The following GABRG1 variants were observed in gnomAD, a reference collection of about 807,000 sequenced individuals.
GABRG1 encodes gamma-aminobutyric acid type A receptor subunit gamma1, also known as gamma-aminobutyric acid receptor subunit gamma-1.
Under a neutral mutation model 49.8 loss-of-function variants are expected in GABRG1, and 49 were observed. That is an observed-to-expected ratio of 0.98 (90% CI 0.78 to 1.25). GABRG1 has a LOEUF of 1.25. GABRG1 is among the 50% of genes most tolerant of loss of function. The pLI, the probability that GABRG1 is intolerant of heterozygous loss-of-function variation, is 0.00. For synonymous variants in GABRG1, 232 were observed against 185.1 expected, an observed-to-expected ratio of 1.25 and a Z score of -2.06; for missense variants, 552 against 552.3, an observed-to-expected ratio of 1.00 and a Z score of 0.01.
chr4:46,123,355 C>G (rs541851228), intron 1 of GABRG1, among the ~76,000 whole-genome samples: 41 of 151,996 alleles, frequency 2.7e-4, no homozygotes, highest in South Asian at 1.0e-3. Flanking sequence ...TTACCAAAAA[C>G]GAGGAAAGGG....
At chr4:46,115,568 T>C (rs1027739027) in intron 1 of GABRG1, among the ~76,000 whole-genome samples, 2 of 150,750 alleles carry the variant, frequency 1.3e-5, no homozygotes, top group Non-Finnish European at 3.0e-5. Context: ...ATTTTCTGTC[T>C]ACAGACCAGA....
chr4:46,042,873 T>G (rs13133249), intron 8 of GABRG1, among the ~76,000 whole-genome samples: 6,291 of 152,056 alleles, frequency 0.041, 211 homozygotes, highest in Admixed American at 0.076. Flanking sequence ...AGTAAGTTCA[T>G]GATTAAACTT....
intron 3 of GABRG1, among the ~76,000 whole-genome samples, chr4:46,081,992 C>T (rs1719591957): frequency 6.6e-6 from 1 of 151,816 alleles, no homozygotes; most frequent in Non-Finnish European, 1.5e-5. Flanking sequence ...AACCACCAGT[C>T]TGTGCTACTT....
Position 46,040,984 on chromosome 4 carries a change from G to A in GABRG1, c.*4C>T, listed in dbSNP as rs199581520. The A allele has an allele frequency of 1.9e-6, 3 of 1,604,478 alleles. No homozygotes were observed. The highest frequency in any genetic ancestry group is 2.2e-5 in the East Asian group (1 of 44,724). ...TCTTTTGATTTTTGCTTATGAAGTA[G>A]ATTTTATAAGTAAAGATAGCCAACC... is the stretch of plus-strand genomic sequence containing the variant. On this transcript the variant is annotated 3_prime_UTR_variant, in exon 9 of 9. Transcript: ENST00000295452.
chr4:46,097,025 T>C (rs1483195569), intron 2 of GABRG1, among the ~76,000 whole-genome samples, 176 bp downstream of exon 2: 1 of 151,674 alleles, frequency 6.6e-6, no homozygotes, highest in Non-Finnish European at 1.5e-5. Context: ...TTTTTTCTTA[T>C]TTCAGACTGT....
At chr4:46,122,909 C>T (rs563826829) in intron 1 of GABRG1, among the ~76,000 whole-genome samples, 4 of 151,876 alleles carry the variant, frequency 2.6e-5, no homozygotes, top group Admixed American at 2.0e-4. Flanking sequence ...TCTTAATCAA[C>T]GTATTTTAGC....
intron 5 of GABRG1, among the ~76,000 whole-genome samples, chr4:46,059,071 C>T (rs545740028): frequency 5.3e-5 from 8 of 151,984 alleles, no homozygotes; most frequent in Non-Finnish European, 8.8e-5. Context: ...CTTCTTTTTC[C>T]TCATGCTACC....
chr4:46,094,232 T>A (rs1720097994), intron 2 of GABRG1, among the ~76,000 whole-genome samples: 1 of 151,994 alleles, frequency 6.6e-6, no homozygotes, highest in Non-Finnish European at 1.5e-5. Context: ...GTTCTCAGTA[T>A]AACTTAAAGA....
chr4:46,091,485 G>A (rs1196305508), intron 2 of GABRG1, among the ~76,000 whole-genome samples: 1 of 151,844 alleles, frequency 6.6e-6, no homozygotes, highest in Non-Finnish European at 1.5e-5. Flanking sequence ...TCAAGACATC[G>A]TAATGATCAA....
In GABRG1 at chr4:46,105,347, G is replaced by A. The variant is rs373948338; in HGVS notation, c.105-7998C>T. On this transcript the variant is annotated intron_variant, in intron 1 of 8. Transcript: ENST00000295452. ...GCTTAGAAAAGAAAATGAAGCAAAC[G>A]TCAGTTTGCTGAGGCTGATGGAAGA... Among the ~76,000 whole-genome samples the A allele has an allele frequency of 9.9e-5, 15 of 151,576 alleles. No individual in the cohort carries two copies. The East Asian group carries it at 2.4e-3, about 24-fold the overall frequency.
chr4:46,077,816 C>T lies in GABRG1; in HGVS notation c.321+6170G>A, dbSNP rs574053751. Among the ~76,000 whole-genome samples the T allele has an allele frequency of 2.0e-4, 31 of 151,256 alleles. No individual in the cohort carries two copies. The South Asian group carries it at 6.3e-3, about 31-fold the overall frequency. On this transcript the variant is annotated intron_variant, in intron 3 of 8. Transcript: ENST00000295452. ...AATAAAACAATGAAATATATATATACATATAAAATGTGTATTTGAATTAAG... is the reference window on the plus strand; with the variant it reads ...AATAAAACAATGAAATATATATATATATATAAAATGTGTATTTGAATTAAG...
chr4:46,117,600 C>G (rs867100309), intron 1 of GABRG1, among the ~76,000 whole-genome samples: 4 of 137,804 alleles, frequency 2.9e-5, no homozygotes, highest in African/African-American at 1.1e-4. Flanking sequence ...TTGTCTCTCT[C>G]TCTCTCTCTC....
In GABRG1 at chr4:46,084,005, G is replaced by T. The variant is rs762311874; in HGVS notation, c.302C>A (p.Pro101Gln). Residue 101 changes from proline (P) to glutamine (Q), a missense_variant, in exon 3 of 9, where the codon CCA (proline) becomes CAA (glutamine). Pro to Gln is a moderately conservative substitution (Grantham distance 76, BLOSUM62 -1). Transcript: ENST00000295452. The part of the protein sequence containing the change: ...ETDVYVNSIG[P>Q]VDPINMEYTI... ...ACTTACCATATTAATTGGATCAACT[G>T]GTCCAATGCTGTTTACATAAACATC... is the stretch of plus-strand genomic sequence containing the variant. 5 of 1,575,198 alleles carry T rather than the reference G, an allele frequency of 3.2e-6. No homozygotes were observed. The African/African-American group carries it at 4.1e-5, about 13-fold the overall frequency.
chr4:46,073,557 A>G (rs1396084644), intron 3 of GABRG1, among the ~76,000 whole-genome samples: 3 of 152,020 alleles, frequency 2.0e-5, no homozygotes, highest in Non-Finnish European at 4.4e-5. Context: ...ATTTGGATGA[A>G]TAAATGATTG....
chr4:46,095,830 T>C (rs1399537393), intron 2 of GABRG1, among the ~76,000 whole-genome samples: 2 of 151,902 alleles, frequency 1.3e-5, no homozygotes, highest in African/African-American at 4.8e-5. Context: ...AGTATTTAAC[T>C]TTTATTTTAG....
chr4:46,123,555 G>C (rs1721162137), intron 1 of GABRG1, among the ~76,000 whole-genome samples: 1 of 151,966 alleles, frequency 6.6e-6, no homozygotes, highest in Non-Finnish European at 1.5e-5. Context: ...ACCTTCATTA[G>C]TTCACTAGTT....
intron 1 of GABRG1, among the ~76,000 whole-genome samples, chr4:46,113,430 A>G (rs1382423442): frequency 6.6e-6 from 1 of 151,024 alleles, no homozygotes; most frequent in Non-Finnish European, 1.5e-5. Context: ...AACTGCCCCC[A>G]TGATTCAATT....
chr4:46,090,463 T>A (rs2109427017), intron 2 of GABRG1, among the ~76,000 whole-genome samples: 1 of 152,150 alleles, frequency 6.6e-6, no homozygotes, highest in South Asian at 2.1e-4. Context: ...TAGTTTATAT[T>A]TTAAGCATTG....
chr4:46,063,923 C>T (rs969502926), intron 5 of GABRG1, among the ~76,000 whole-genome samples: 1 of 152,158 alleles, frequency 6.6e-6, no homozygotes, highest in African/African-American at 2.4e-5. Context: ...AACCACTTCT[C>T]TATGAATCAA....
Sources: gnomAD v4.1 joint callset for allele counts (sites outside exome capture counted in the v4.1 genomes callset) on GRCh38, gnomAD v4.1.1 for gene constraint, MANE v1.5 for transcripts, NCBI Gene and HGNC (gene_info 2026-07-23, HGNC 2026-07-21) for gene names.